The following ROBO3 variants were observed in gnomAD, a reference collection of about 807,000 sequenced individuals.
The protein encoded by ROBO3 is roundabout guidance receptor 3.
A neutral mutation model predicts 160.5 loss-of-function variants in ROBO3; 97 were observed. The ratio of observed to expected loss-of-function variants is 0.60; its 90% confidence interval spans 0.51 to 0.72. The LOEUF (loss-of-function observed/expected upper bound fraction) is 0.72, where lower values mean the gene tolerates loss of function less well. Ranked by LOEUF, ROBO3 falls within the 30% of genes least tolerant of loss-of-function variation. The probability of loss-of-function intolerance (pLI) is 0.00; values close to 1 mark genes in which losing one functional copy is unlikely to be tolerated. For synonymous variants in ROBO3, 780 were observed against 746.2 expected (o/e 1.05, Z -0.74); for missense variants, 1,858 against 1,846.5 (o/e 1.01, Z -0.11).
chr11:124,867,367 A>G (rs1946213154), intron 1 of ROBO3, among the ~76,000 whole-genome samples: 1 of 152,200 alleles, frequency 6.6e-6, no homozygotes, highest in South Asian at 2.1e-4. Context: ...AGAAACTGAG[A>G]CTGAGAGAAG....
At position 124,874,826 on chromosome 11, in the gene ROBO3, G is replaced by A. The variant is rs1238649498; in HGVS notation, c.1990G>A (p.Gly664Ser). 1.2e-6 allele frequency: 2 copies of A among 1,605,114 alleles called. No homozygotes were observed. Among genetic ancestry groups the A allele is most frequent in the East Asian group, 2.2e-5 (1 of 44,630 alleles). Residue 664 changes from glycine to serine, a missense_variant, in exon 13 of 28, where the codon GGC becomes AGC. By Grantham distance (56) the Gly-to-Ser change is moderately conservative. Coordinates refer to ENST00000397801, the MANE Select transcript of ROBO3 (RefSeq NM_022370.4). ...PSRPVEDPWRGQQGLAEVAVR... is the reference protein window; with the variant it reads ...PSRPVEDPWRSQQGLAEVAVR... ...TAGGCCAGTGGAGGACCCATGGAGA[G>A]GCCAGCAGGGACTGGCGGAAGTGGC...
intron 27 of ROBO3, 124 bp from the exon 28 acceptor site, chr11:124,881,115 T>C (rs1379308513): frequency 3.4e-6 from 3 of 887,904 alleles, no homozygotes; most frequent in East Asian, 5.3e-5. Context: ...AGATGACACA[T>C]AATAGAGGAG....
At position 124,876,958 on chromosome 11, in the gene ROBO3, C is replaced by T. The variant is rs1170577699; in HGVS notation, c.2780-203C>T. The T allele has an allele frequency of 1.7e-5, 11 of 660,638 alleles. No homozygotes were observed. In the East Asian group the frequency reaches 3.0e-4, roughly 18 times the overall value. The allele number at this position is 660,638 out of a possible 1,614,324, so 40.9% of individuals were successfully genotyped here. On this transcript the variant is annotated intron_variant, in intron 17 of 27. Transcript: ENST00000397801. This position sits in a 1 kb window ranked among gnomAD's most constrained non-coding sequence, Gnocchi z 5.3. The stretch of plus-strand genomic sequence containing the variant: ...GTCAGTGGTTTTCAATCTTGGTTGG[C>T]TACACATAGGAATCACTTGAGGGGC...
At chr11:124,867,357 A>G (rs1946213063) in intron 1 of ROBO3, among the ~76,000 whole-genome samples, 2 of 152,348 alleles carry the variant, frequency 1.3e-5, no homozygotes, top group South Asian at 2.1e-4. Context: ...TCACAAAGAA[A>G]GAAACTGAGA....
chr11:124,870,202 G>T lies in ROBO3; in HGVS notation c.804G>T (p.Val268=), dbSNP rs1443188423. 2.5e-6 allele frequency: 4 copies of T among 1,613,942 alleles called. No homozygotes were observed. The highest frequency in any genetic ancestry group is 3.4e-6 in the Non-Finnish European group (4 of 1,179,912). ...TCCTGCGCAGACCAGTGAATCAGGT[G>T]GTCCTGGCTGATGCCCCTGTGACTT... ...PSFLRRPVNQ[V]VLADAPVTFL... Residue 268 remains valine (V), a synonymous_variant, in exon 5 of 28, where the codon GTG becomes GTT. Coordinates refer to ENST00000397801, the MANE Select transcript of ROBO3 (RefSeq NM_022370.4).
chr11:124,869,523 C>T lies in ROBO3; in HGVS notation c.561C>T (p.Cys187=), dbSNP rs749986934. 2.6e-6 allele frequency: 4 copies of T among 1,544,336 alleles called. No individual in the cohort carries two copies. The highest frequency in any genetic ancestry group is 2.4e-5 in the South Asian group (2 of 84,314). Reference sequence around the variant, plus strand: ...TGGGGGAGCCAGCAGTACTGGAATGCGTGCCCCCCCGCGGCCACCCGGAGC... The same window carrying T: ...TGGGGGAGCCAGCAGTACTGGAATGTGTGCCCCCCCGCGGCCACCCGGAGC... The part of the protein sequence containing the change: ...VAVGEPAVLE[C]VPPRGHPEPS... Residue 187 remains cysteine, a synonymous_variant, in exon 3 of 28, where the codon TGC becomes TGT. Coordinates refer to ENST00000397801, the MANE Select transcript of ROBO3 (RefSeq NM_022370.4). This position sits in a 1 kb window ranked among gnomAD's most constrained non-coding sequence, Gnocchi z 4.2.
rs1737474613 is a variant in ROBO3 at position 124,876,837 on chromosome 11, T to TCTGGATGGAAAGGCGGGGC, written c.2780-322_2780-304dup. On this transcript the variant is annotated intron_variant, in intron 17 of 27. Transcript: ENST00000397801. This position sits in a 1 kb window ranked among gnomAD's most constrained non-coding sequence, Gnocchi z 5.3. ...CCAGGCAGTAAATTGTGCGGCGGGG[T>TCTGGATGGAAAGGCGGGGC]CTGGATGGAAAGGCGGGGCCCGCTG... The TCTGGATGGAAAGGCGGGGC allele has an allele frequency of 7.9e-6, 4 of 509,110 alleles. No individual in the cohort carries two copies. Among genetic ancestry groups the TCTGGATGGAAAGGCGGGGC allele is most frequent in the Non-Finnish European group, 1.0e-5 (3 of 286,570 alleles). The allele number at this position is 509,110 out of a possible 1,614,324, so 31.5% of individuals were successfully genotyped here.
rs768314789 is a variant in ROBO3, at chr11:124,870,266, C to T, written c.868C>T (p.Arg290Cys). The T allele has an allele frequency of 2.0e-5, 33 of 1,613,916 alleles. No homozygotes were observed. Among genetic ancestry groups the T allele is most frequent in the Non-Finnish European group, 2.7e-5 (32 of 1,179,900 alleles). ...EVKGDPPPRL[R>C]WRKEDGELPT... is the part of the protein sequence containing the mutation. ...GAAGGGGGATCCCCCACCTCGTCTA[C>T]GCTGGCGCAAGGAGGATGGGGAACT... The change falls in exon 5 of 28, where the codon CGC becomes TGC. Residue 290 changes from arginine to cysteine, a missense_variant. Coordinates refer to ENST00000397801, the MANE Select transcript of ROBO3 (RefSeq NM_022370.4).
At position 124,874,225 on chromosome 11, in the gene ROBO3, T is replaced by C; in HGVS notation, c.1940T>C (p.Val647Ala). The change falls in exon 12 of 28, where the codon GTC (valine) becomes GCC (alanine). Residue 647 changes from valine to alanine, a missense_variant. Physicochemically the swap from Val to Ala is moderately conservative, Grantham distance 64 (BLOSUM62 0). Coordinates refer to ENST00000397801, the MANE Select transcript of ROBO3 (RefSeq NM_022370.4). ...GAGCCCAGCCCCGTCTCTGAGCCTGTCCGTACACAGGGTAAGGTCAGAGTC... is the reference window on the plus strand; with the variant it reads ...GAGCCCAGCCCCGTCTCTGAGCCTGCCCGTACACAGGGTAAGGTCAGAGTC... Reference protein sequence around the residue: ...LSEPSPVSEPVRTQDSSPSRP... With the variant: ...LSEPSPVSEPARTQDSSPSRP... 6.2e-7 allele frequency: 1 copy of C among 1,613,658 alleles called. No homozygotes were observed. Among genetic ancestry groups the C allele is most frequent in the Non-Finnish European group, 8.5e-7 (1 of 1,179,708 alleles).
In ROBO3 at chr11:124,878,261, GCCTGTTCTCCGGGTGTCCCCAT is replaced by G. The variant is rs1380887041; in HGVS notation, c.3182-33_3182-12del. 1 of 1,607,896 alleles carries G rather than the reference GCCTGTTCTCCGGGTGTCCCCAT, an allele frequency of 6.2e-7. No individual in the cohort carries two copies. The highest frequency in any genetic ancestry group is 1.3e-5 in the African/African-American group (1 of 74,814). The stretch of plus-strand genomic sequence containing the variant: ...CCTGTCTCATCTCTGGCTCTTTCCT[GCCTGTTCTCCGGGTGTCCCCAT>G]CCTATTCTCCTCAGGAGCCAAGGGA... On this transcript the variant is annotated splice_polypyrimidine_tract_variant and intron_variant, in intron 21 of 27. Transcript: ENST00000397801. The surrounding 1 kb of genome is among the most constrained non-coding windows in gnomAD (Gnocchi z 4.3).
At chr11:124,870,475 T>TA (rs1946266874) in intron 5 of ROBO3, 126 bp from the exon 6 acceptor site, 1 of 1,504,984 alleles carries the variant, frequency 6.6e-7, no homozygotes, top group Non-Finnish European at 9.0e-7. Flanking sequence ...GGTCCATGGG[T>TA]AACCAGCTTC....
rs750670836 is a variant in ROBO3, at chr11:124,878,034, G to A, written c.3084G>A (p.Glu1028=). 12 of 1,612,638 alleles carry A rather than the reference G, an allele frequency of 7.4e-6. No individual in the cohort carries two copies. The highest frequency in any genetic ancestry group is 8.5e-6 in the Non-Finnish European group (10 of 1,179,384). ...VYSTIDPAGE[E]LQTFHGGFPQ... The stretch of plus-strand genomic sequence containing the variant: ...GCACCATTGACCCAGCGGGGGAGGA[G>A]CTGCAGACCTTCCATGGGGGCTTCC... Residue 1028 remains glutamate (E), a synonymous_variant, in exon 21 of 28, where the codon GAG becomes GAA. Transcript: ENST00000397801. The surrounding 1 kb of genome is among the most constrained non-coding windows in gnomAD (Gnocchi z 4.3).
chr11:124,868,709 T>C (rs777897374), intron 1 of ROBO3, 93 bp from the exon 2 acceptor site: 2 of 1,294,922 alleles, frequency 1.5e-6, no homozygotes, highest in South Asian at 2.5e-5. Context: ...GCATAGGAGA[T>C]GGAACGACCA....
rs376382599 is a variant in ROBO3, at chr11:124,869,902, G to T, written c.646-46G>T. 1.3e-6 allele frequency: 2 copies of T among 1,554,590 alleles called. No homozygotes were observed. Among genetic ancestry groups the T allele is most frequent in the Non-Finnish European group, 1.7e-6 (2 of 1,148,328 alleles). ...ACATATATTCACCATATATATATAC[G>T]CTGTGATAGCTGAAATGGACCAAAG... On this transcript the variant is annotated intron_variant, in intron 3 of 27. Transcript: ENST00000397801. The surrounding 1 kb of genome is among the most constrained non-coding windows in gnomAD (Gnocchi z 4.2).
chr11:124,871,251 C>T (rs1013809625), intron 7 of ROBO3, 113 bp downstream of exon 7: 5 of 1,288,504 alleles, frequency 3.9e-6, no homozygotes, highest in African/African-American at 1.5e-5. Context: ...TTTGGGAGCC[C>T]CCAGAAACCC....
chr11:124,870,125 G>A (rs375624747), intron 4 of ROBO3, 40 bp from the exon 5 acceptor site: 35 of 1,613,886 alleles, frequency 2.2e-5, no homozygotes, highest in African/African-American at 5.3e-5. Flanking sequence ...GTAAGTAGCC[G>A]TGCAGACACC....
chr11:124,880,446 A>G lies in ROBO3; in HGVS notation c.3987A>G (p.Pro1329=). 2 of 1,612,966 alleles carry G rather than the reference A, an allele frequency of 1.2e-6. No homozygotes were observed. The highest frequency in any genetic ancestry group is 2.7e-5 in the African/African-American group (2 of 74,990). Reference sequence around the variant, plus strand: ...AGGCCTGGCTCCCATACAGCAGACCAAGCTTCCTGTCCCGGGGCCAGGGCA... The same window carrying G: ...AGGCCTGGCTCCCATACAGCAGACCGAGCTTCCTGTCCCGGGGCCAGGGCA... ...DEEAWLPYSR[P]SFLSRGQGTS... The change falls in exon 27 of 28, where the codon CCA becomes CCG. Residue 1329 remains proline, a synonymous_variant. Coordinates refer to ENST00000397801, the MANE Select transcript of ROBO3 (RefSeq NM_022370.4).
Position 124,874,057 on chromosome 11 carries a change from C to T in ROBO3, c.1785-13C>T, listed in dbSNP as rs754920522. 2 of 1,613,614 alleles carry T rather than the reference C, an allele frequency of 1.2e-6. No individual in the cohort carries two copies. The highest frequency in any genetic ancestry group is 1.7e-6 in the Non-Finnish European group (2 of 1,179,820). On this transcript the variant is annotated splice_polypyrimidine_tract_variant and intron_variant, in intron 11 of 27. Transcript: ENST00000397801. Reference sequence around the variant, plus strand: ...CTGGCTTAGACAACCCTGTCATCTCCTTCTTGTTGTAGCCCAGCAGCTGGC... The same window carrying T: ...CTGGCTTAGACAACCCTGTCATCTCTTTCTTGTTGTAGCCCAGCAGCTGGC...
chr11:124,878,810 T>TTGCC lies in ROBO3; in HGVS notation c.3533+14_3533+15insTGCC. On this transcript the variant is annotated intron_variant, in intron 23 of 27. Transcript: ENST00000397801. This position sits in a 1 kb window ranked among gnomAD's most constrained non-coding sequence, Gnocchi z 4.3. ...TCAGATGCCCAGGTAGGGAGGTATATAGTACCTCACTCATTGCAAGCCCTC... is the reference window on the plus strand; with the variant it reads ...TCAGATGCCCAGGTAGGGAGGTATATTGCCAGTACCTCACTCATTGCAAGCCCTC... The TTGCC allele has an allele frequency of 6.3e-7, 1 of 1,584,702 alleles. No individual in the cohort carries two copies. The highest frequency in any genetic ancestry group is 8.6e-7 in the Non-Finnish European group (1 of 1,156,574).
Sources: allele counts gnomAD v4.1 joint callset (sites outside exome capture counted in the v4.1 genomes callset), GRCh38; gene constraint gnomAD v4.1.1; non-coding constraint Gnocchi (gnomAD v3.1); transcripts MANE v1.5; gene names NCBI Gene and HGNC (gene_info 2026-07-23, HGNC 2026-07-21).